Variants in UBAP2 observed in about 807,000 individuals in gnomAD.
The protein encoded by UBAP2 is ubiquitin associated protein 2.
A neutral mutation model predicts 139.6 loss-of-function variants in UBAP2; 75 were observed. The observed-to-expected ratio is 0.54, with a 90% confidence interval of 0.45 to 0.65. The LOEUF (loss-of-function observed/expected upper bound fraction) is 0.65, where lower values mean the gene tolerates loss of function less well. UBAP2 is among the 30% of genes least tolerant of loss of function. The pLI is 0.00. For synonymous variants in UBAP2, 526 were observed against 526.2 expected, an observed-to-expected ratio of 1.00 and a Z score of 0.01; for missense variants, 1,368 against 1,369.6, an observed-to-expected ratio of 1.00 and a Z score of 0.02.
intron 1 of UBAP2, among the ~76,000 whole-genome samples, chr9:34,041,464 CAAAAAAAAA>C (rs1226126055): frequency 1.2e-5 from 1 of 82,526 alleles, no homozygotes; most frequent in East Asian, 4.0e-4. Flanking sequence ...AACTCCATCT[CAAAAAAAAA>C]AAAAAAAACA....
chr9:34,027,350 G>A lies in UBAP2; in HGVS notation c.-41-10161C>T, dbSNP rs929527905. On this transcript the variant is annotated intron_variant, in intron 1 of 28. Transcript: ENST00000379238. ...CAAAAAATAAGCCAGGTGTGGTGGC[G>A]CATGCCTGTAATCCCAGCAAATCGG... 3.9e-5 allele frequency among the ~76,000 whole-genome samples: 6 copies of A among 151,900 alleles called. No individual in the cohort carries two copies. In the East Asian group the frequency reaches 5.8e-4, roughly 15 times the overall value.
intron 16 of UBAP2, among the ~76,000 whole-genome samples, chr9:33,939,879 GGAGGAGGAGGAGGGGA>G: frequency 1.9e-4 from 3 of 15,636 alleles, no homozygotes; most frequent in Non-Finnish European, 4.9e-4. Context: ...GAGGAGGGGA[GGAGGAGGAGGAGGGGA>G]GGAGGAGGAG....
At chr9:33,996,452 A>G in intron 3 of UBAP2, 119 bp from the exon 4 acceptor site, 2 of 671,612 alleles carry the variant, frequency 3.0e-6, no homozygotes, top group Non-Finnish European at 5.1e-6. Context: ...CCTCTTCTAG[A>G]CTCTTGAGTT....
chr9:33,937,181 C>T (rs1185739065), intron 16 of UBAP2, among the ~76,000 whole-genome samples: 2 of 149,160 alleles, frequency 1.3e-5, no homozygotes, highest in Non-Finnish European at 3.0e-5. Context: ...ACATCAAGAA[C>T]TAATGTCTAA....
Position 33,926,633 on chromosome 9 carries a change from T to G in UBAP2, c.2495A>C (p.Gln832Pro). The change falls in exon 22 of 29, where the codon CAG becomes CCG. Residue 832 changes from glutamine to proline, a missense_variant. Coordinates refer to ENST00000379238, the MANE Select transcript of UBAP2 (RefSeq NM_001370062.2). ...CCCACTCACCACTGGCAGCCGTGAC[T>G]GCAGCATCTGGAGCTCGTCATAGCC... ...IYGYDELQML[Q>P]SRLPVDYYGI... The G allele has an allele frequency of 6.2e-7, 1 of 1,614,214 alleles. No individual in the cohort carries two copies. The highest frequency in any genetic ancestry group is 2.2e-5 in the East Asian group (1 of 44,888).
In UBAP2 at chr9:33,967,584, G is replaced by T. The variant is rs138894858; in HGVS notation, c.680-3793C>A. ...TTGTTCAGGAAACAGTCATACATAC[G>T]TATCTGAAATAATGTATTATCACAC... On this transcript the variant is annotated intron_variant, in intron 8 of 28. Coordinates refer to ENST00000379238, the MANE Select transcript of UBAP2 (RefSeq NM_001370062.2). 2.8e-4 allele frequency among the ~76,000 whole-genome samples: 43 copies of T among 152,124 alleles called. No individual in the cohort carries two copies. In the East Asian group the frequency reaches 7.7e-3, roughly 27 times the overall value.
chr9:33,937,550 T>C (rs1365988239), intron 16 of UBAP2, among the ~76,000 whole-genome samples: 4 of 138,998 alleles, frequency 2.9e-5, no homozygotes, highest in African/African-American at 1.1e-4. Flanking sequence ...GAGGTAGCAG[T>C]GAGCCAAGAT....
At chr9:33,935,803 C>T in intron 17 of UBAP2, 36 bp downstream of exon 17, 1 of 1,613,690 alleles carries the variant, frequency 6.2e-7, no homozygotes, top group East Asian at 2.2e-5. Flanking sequence ...TTGGTTGGCA[C>T]CAGCCATGAC....
Position 33,996,208 on chromosome 9 carries a change from ATTAATAAT to A in UBAP2, c.288+7_288+14del. ...AGACAAATGTAAACAATGCAAATCA[ATTAATAAT>A]ACTTACTGTGTCTGAATTCCCTTCC... On this transcript the variant is annotated splice_region_variant and intron_variant, in intron 4 of 28. Coordinates refer to ENST00000379238, the MANE Select transcript of UBAP2 (RefSeq NM_001370062.2). 6.3e-7 allele frequency: 1 copy of A among 1,582,168 alleles called. No individual in the cohort carries two copies. The highest frequency in any genetic ancestry group is 8.7e-7 in the Non-Finnish European group (1 of 1,153,628).
intron 6 of UBAP2, among the ~76,000 whole-genome samples, chr9:33,985,472 G>A (rs1402893570): frequency 6.6e-6 from 1 of 152,114 alleles, no homozygotes; most frequent in Admixed American, 6.6e-5. Flanking sequence ...TTACAGGTTG[G>A]AATACTACTC....
intron 11 of UBAP2, among the ~76,000 whole-genome samples, chr9:33,954,301 C>CACACACACACACACACACACACAT (rs1554682975): frequency 2.4e-4 from 35 of 146,738 alleles, no homozygotes; most frequent in South Asian, 1.3e-3. Flanking sequence ...CACACACACA[C>CACACACACACACACACACACACAT]GCCCATATAA....
chr9:33,992,215 C>A (rs1227887115), intron 4 of UBAP2, among the ~76,000 whole-genome samples: 1 of 151,908 alleles, frequency 6.6e-6, no homozygotes, highest in African/African-American at 2.4e-5. Context: ...ATGGAGAAAC[C>A]CCATCTCTAC....
intron 13 of UBAP2, among the ~76,000 whole-genome samples, chr9:33,948,086 CA>C (rs1445719563): frequency 6.6e-6 from 1 of 151,632 alleles, no homozygotes; most frequent in Non-Finnish European, 1.5e-5. Context: ...TGCATTTACA[CA>C]AAGTGTTAGA....
intron 3 of UBAP2, chr9:33,996,976 T>C (rs1420428226): frequency 6.6e-6 from 1 of 152,126 alleles, no homozygotes; most frequent in Non-Finnish European, 1.5e-5. Flanking sequence ...AAGGTTGCAA[T>C]AAGCCATGAT....
At chr9:33,953,249 T>G (rs1472595334) in intron 12 of UBAP2, 36 bp downstream of exon 12, 8 of 1,580,002 alleles carry the variant, frequency 5.1e-6, no homozygotes, top group African/African-American at 1.4e-5. Context: ...ATGGGTATAT[T>G]TCTTAAAATC....
At chr9:33,961,643 T>C (rs1021074097) in intron 9 of UBAP2, among the ~76,000 whole-genome samples, 1 of 152,166 alleles carries the variant, frequency 6.6e-6, no homozygotes, top group African/African-American at 2.4e-5. Flanking sequence ...ACTAAGAAAT[T>C]AACGACAACC....
intron 1 of UBAP2, among the ~76,000 whole-genome samples, chr9:34,028,974 C>T (rs189911451): frequency 4.6e-5 from 7 of 152,016 alleles, no homozygotes; most frequent in African/African-American, 1.7e-4. Flanking sequence ...TAATTAGCCA[C>T]GCTTGGTGGC....
intron 13 of UBAP2, among the ~76,000 whole-genome samples, chr9:33,946,477 G>GT (rs1356913145): frequency 6.6e-6 from 1 of 152,174 alleles, no homozygotes; most frequent in Non-Finnish European, 1.5e-5. Flanking sequence ...TTAATAAAGC[G>GT]TTTTTTCACT....
At chr9:34,035,702 C>G (rs12350484) in intron 1 of UBAP2, among the ~76,000 whole-genome samples, 19,036 of 150,250 alleles carry the variant, frequency 0.13, 1,535 homozygotes, top group African/African-American at 0.22. Flanking sequence ...AAGAAAGAAA[C>G]AAACAAACAC....
Sources: gnomAD v4.1 joint callset for allele counts (sites outside exome capture counted in the v4.1 genomes callset) on GRCh38, gnomAD v4.1.1 for gene constraint, MANE v1.5 for transcripts, NCBI Gene and HGNC (gene_info 2026-07-23, HGNC 2026-07-21) for gene names.